Variants in SLC9C1 observed in about 807,000 individuals in gnomAD.
SLC9C1 encodes the protein sodium/hydrogen exchanger 10.
Under a neutral mutation model 140.9 loss-of-function variants are expected in SLC9C1, and 97 were observed. That is an observed-to-expected ratio of 0.69 (90% confidence interval 0.58 to 0.82). SLC9C1 has a LOEUF of 0.82. Ranked by LOEUF, SLC9C1 falls within the 40% of genes least tolerant of loss-of-function variation. SLC9C1 has a pLI of 0.00. For synonymous variants in SLC9C1, 440 were observed against 442.6 expected, an observed-to-expected ratio of 0.99 and a Z score of 0.07; for missense variants, 1,340 against 1,389.3, an observed-to-expected ratio of 0.96 and a Z score of 0.56.
intron 17 of SLC9C1, 63 bp from the exon 18 acceptor site, chr3:112,202,462 T>C (rs766035375): frequency 6.8e-6 from 10 of 1,473,348 alleles, no homozygotes; most frequent in Non-Finnish European, 8.2e-6. Flanking sequence ...ATATGTTGAT[T>C]AGTTTAATCA....
chr3:112,273,994 G>C (rs891332114), intron 6 of SLC9C1, among the ~76,000 whole-genome samples: 5 of 152,106 alleles, frequency 3.3e-5, no homozygotes, highest in Non-Finnish European at 7.4e-5. Flanking sequence ...GTTTATCAAG[G>C]AGACTGTAAT....
chr3:112,149,010 C>T (rs2074882286), intron 28 of SLC9C1, among the ~76,000 whole-genome samples: 1 of 152,080 alleles, frequency 6.6e-6, no homozygotes, highest in African/African-American at 2.4e-5. Flanking sequence ...GTGTGTGGAG[C>T]AGAGATGGCC....
At chr3:112,158,980 C>T (rs769864826) in intron 26 of SLC9C1, among the ~76,000 whole-genome samples, 2 of 151,380 alleles carry the variant, frequency 1.3e-5, no homozygotes, top group Non-Finnish European at 3.0e-5. Context: ...CTTTTAAAAT[C>T]ATTATTATTT....
chr3:112,211,189 T>C (rs1445400098), intron 15 of SLC9C1, among the ~76,000 whole-genome samples: 1 of 152,208 alleles, frequency 6.6e-6, no homozygotes, highest in Non-Finnish European at 1.5e-5. Flanking sequence ...CATTGTAAAA[T>C]TCCTCAAAAT....
intron 1 of SLC9C1, 28 bp from the exon 2 acceptor site, chr3:112,286,906 G>T: frequency 3.6e-6 from 2 of 555,006 alleles, no homozygotes; most frequent in Non-Finnish European, 5.8e-6. Flanking sequence ...TGCCTTCTTG[G>T]TGGCCTTCTA....
intron 3 of SLC9C1, among the ~76,000 whole-genome samples, chr3:112,279,608 A>G (rs1052008374): frequency 6.6e-6 from 1 of 152,184 alleles, no homozygotes; most frequent in African/African-American, 2.4e-5. Flanking sequence ...TATGGCTTAT[A>G]TAGAAGATGT....
At position 112,208,300 on chromosome 3, in the gene SLC9C1, A is replaced by G; in HGVS notation, c.1864T>C (p.Leu622=). The G allele has an allele frequency of 6.2e-7, 1 of 1,610,044 alleles. No individual in the cohort carries two copies. The highest frequency in any genetic ancestry group is 8.5e-7 in the Non-Finnish European group (1 of 1,177,128). The change falls in exon 16 of 29, where the codon TTA becomes CTA. Residue 622 remains leucine, a synonymous_variant. Transcript: ENST00000305815. ...EFEHVGYLVI[L]MNIFPFIISW... is the part of the protein sequence containing the mutation. The stretch of plus-strand genomic sequence containing the variant: ...ATTATAAAGGGAAATATATTCATTA[A>G]TATCACAAGGTATCCAACATGTTCA...
At chr3:112,200,272 T>C (rs530067531) in intron 19 of SLC9C1, among the ~76,000 whole-genome samples, 68 of 152,242 alleles carry the variant, frequency 4.5e-4, no homozygotes, top group African/African-American at 1.5e-3. Context: ...CCAGCAGATA[T>C]AACAGGATTC....
chr3:112,165,537 C>A (rs2077109334), intron 26 of SLC9C1, among the ~76,000 whole-genome samples: 1 of 152,318 alleles, frequency 6.6e-6, no homozygotes, highest in East Asian at 1.9e-4. Flanking sequence ...GAGGTCCACT[C>A]CAGACCCTGT....
chr3:112,211,820 G>C (rs903709497), intron 15 of SLC9C1, among the ~76,000 whole-genome samples: 1 of 152,222 alleles, frequency 6.6e-6, no homozygotes, highest in Non-Finnish European at 1.5e-5. Context: ...AACCTCTGCA[G>C]ACTTAAATGT....
At chr3:112,261,333 G>C (rs1370523205) in intron 10 of SLC9C1, among the ~76,000 whole-genome samples, 1 of 152,026 alleles carries the variant, frequency 6.6e-6, no homozygotes, top group African/African-American at 2.4e-5. Context: ...CACTCAATTA[G>C]TTAAATAGTT....
At chr3:112,242,047 T>C (rs747255839) in intron 11 of SLC9C1, among the ~76,000 whole-genome samples, 1 of 152,138 alleles carries the variant, frequency 6.6e-6, no homozygotes, top group Non-Finnish European at 1.5e-5. Flanking sequence ...GAGAAATAAT[T>C]TTTGGCTAAG....
chr3:112,292,612 C>T (rs995951934), intron 1 of SLC9C1, among the ~76,000 whole-genome samples: 3 of 152,076 alleles, frequency 2.0e-5, no homozygotes, highest in Non-Finnish European at 2.9e-5. Context: ...GGTGCGATCT[C>T]GGCTCACTGC....
chr3:112,159,600 C>T lies in SLC9C1; in HGVS notation c.3365-4551G>A, dbSNP rs116490391. On this transcript the variant is annotated intron_variant, in intron 26 of 28. Transcript: ENST00000305815. ...TCATTTGGTGTAGGGTCTAGTTTAA[C>T]TCCAACGTTTGTTTATTTTCTGTCT... Among the ~76,000 whole-genome samples the T allele has an allele frequency of 5.3e-3, 809 of 152,068 alleles. 11 individuals are homozygous for T. The highest frequency in any genetic ancestry group is 0.019 in the African/African-American group (775 of 41,498).
At chr3:112,169,099 CTA>C (rs770931445) in intron 24 of SLC9C1, 37 bp from the exon 25 acceptor site, 26 of 1,571,120 alleles carry the variant, frequency 1.7e-5, no homozygotes, top group African/African-American at 2.7e-5. Flanking sequence ...TATTATTAGT[CTA>C]TGAAGTTCAG....
chr3:112,207,706 A>C (rs7621219), intron 16 of SLC9C1, among the ~76,000 whole-genome samples: 114,761 of 151,986 alleles, frequency 0.76, 43,736 homozygotes, highest in East Asian at 0.99. Flanking sequence ...AGACATTATT[A>C]AAAATTCAAC....
intron 9 of SLC9C1, among the ~76,000 whole-genome samples, chr3:112,263,722 T>G (rs2079840270): frequency 1.3e-5 from 2 of 151,890 alleles, no homozygotes; most frequent in African/African-American, 4.8e-5. Context: ...CTCTATGCTA[T>G]CTCCTTTTCA....
intron 10 of SLC9C1, among the ~76,000 whole-genome samples, chr3:112,261,444 A>G (rs79342805): frequency 0.1 from 15,832 of 152,090 alleles, 880 homozygotes; most frequent in East Asian, 0.2. Flanking sequence ...CCAATACTGT[A>G]CAATTACACA....
chr3:112,237,442 T>C (rs1244556981), intron 12 of SLC9C1, among the ~76,000 whole-genome samples: 1 of 152,216 alleles, frequency 6.6e-6, no homozygotes, highest in African/African-American at 2.4e-5. Context: ...AATTGGAGCA[T>C]TTAGCCCATT....
Sources: gnomAD v4.1 joint callset for allele counts (sites outside exome capture counted in the v4.1 genomes callset) on GRCh38, gnomAD v4.1.1 for gene constraint, MANE v1.5 for transcripts, NCBI Gene and HGNC (gene_info 2026-07-23, HGNC 2026-07-21) for gene names.